EEFSEC: variants seen among roughly 807,000 people sequenced by gnomAD.
EEFSEC encodes eukaryotic elongation factor, selenocysteine-tRNA specific, also known as selenocysteine-specific elongation factor.
In EEFSEC, 43 loss-of-function variants were observed where a neutral mutation model predicts 42.1. That is an observed-to-expected ratio of 1.02 (90% CI 0.80 to 1.32). The LOEUF is 1.32. Ranked by LOEUF, EEFSEC falls within the 40% of genes most tolerant of loss-of-function variation. The probability of loss-of-function intolerance (pLI) is 0.00; values close to 1 mark genes in which losing one functional copy is unlikely to be tolerated. For synonymous variants in EEFSEC, 354 were observed against 339.1 expected, an observed-to-expected ratio of 1.04 and a Z score of -0.48; for missense variants, 745 against 803.6, an observed-to-expected ratio of 0.93 and a Z score of 0.88.
intron 4 of EEFSEC, among the ~76,000 whole-genome samples, chr3:128,334,779 G>T (rs2067171819): frequency 6.6e-6 from 1 of 152,248 alleles, no homozygotes; most frequent in South Asian, 2.1e-4. Flanking sequence ...TGGGAAGGAT[G>T]TGAGGGAGAG....
At chr3:128,421,796 C>T in the EEFSEC span, among the ~76,000 whole-genome samples, 1 of 152,162 alleles carries the variant, frequency 6.6e-6, no homozygotes, top group Non-Finnish European at 1.5e-5. Flanking sequence ...CCTGTGGGCA[C>T]CAGGAAGCCC....
intron 1 of EEFSEC, among the ~76,000 whole-genome samples, chr3:128,187,694 C>T (rs2065479034): frequency 6.6e-6 from 1 of 152,144 alleles, no homozygotes; most frequent in Admixed American, 6.5e-5. Context: ...AGGGGATAGA[C>T]CATAAAGCAG....
intron 5 of EEFSEC, among the ~76,000 whole-genome samples, chr3:128,346,704 TA>T (rs1269966956): frequency 6.6e-6 from 1 of 152,200 alleles, no homozygotes; most frequent in Non-Finnish European, 1.5e-5. Context: ...CCACCATCTG[TA>T]GTTTACTGAG....
chr3:128,425,480 T>C, the EEFSEC span, among the ~76,000 whole-genome samples: 5 of 152,258 alleles, frequency 3.3e-5, no homozygotes, highest in African/African-American at 1.2e-4. Context: ...TGGGGTTTTG[T>C]GTGAGCATCG....
intron 4 of EEFSEC, among the ~76,000 whole-genome samples, chr3:128,313,586 G>T (rs2066913131): frequency 6.6e-6 from 1 of 152,208 alleles, no homozygotes; most frequent in Non-Finnish European, 1.5e-5. Context: ...TCCACTTTGG[G>T]AACCTGACTT....
At chr3:128,407,844 C>T (rs1264752980) in intron 6 of EEFSEC, among the ~76,000 whole-genome samples, 1 of 152,140 alleles carries the variant, frequency 6.6e-6, no homozygotes, top group East Asian at 1.9e-4. Context: ...AGGGCCTGAG[C>T]ACGGGGGTGG....
rs563913852 is a variant in EEFSEC, at chr3:128,277,532, T to G, written c.786+12751T>G. On this transcript the variant is annotated intron_variant, in intron 4 of 6. Transcript: ENST00000254730. ...GATGATTCTAGATGAGGGTGATTGA[T>G]TCACAGAGTGAGCCAGCCAGAGCTG... Among the ~76,000 whole-genome samples the G allele has an allele frequency of 2.1e-4, 32 of 152,354 alleles. 1 individual carries two copies. Among genetic ancestry groups the G allele is most frequent in the African/African-American group, 7.5e-4 (31 of 41,578 alleles).
intron 1 of EEFSEC, among the ~76,000 whole-genome samples, chr3:128,236,483 G>A (rs1455042614): frequency 7.9e-5 from 12 of 152,182 alleles, no homozygotes; most frequent in Non-Finnish European, 4.4e-5. Context: ...TAGGCAGGCC[G>A]AACACTCAAC....
Position 128,267,990 on chromosome 3 carries a change from G to A in EEFSEC, c.786+3209G>A, listed in dbSNP as rs186865599. 1.4e-3 allele frequency among the ~76,000 whole-genome samples: 219 copies of A among 152,322 alleles called. 1 individual carries two copies. The highest frequency in any genetic ancestry group is 2.6e-3 in the Admixed American group (40 of 15,302). On this transcript the variant is annotated intron_variant, in intron 4 of 6. Transcript: ENST00000254730. ...CTGGGATTCTACAGACAAGAAACAG[G>A]CTGATAGAACAACTCAGCTACAAAC...
At chr3:128,257,956 C>G (rs986630339) in intron 2 of EEFSEC, among the ~76,000 whole-genome samples, 16 of 152,090 alleles carry the variant, frequency 1.1e-4, no homozygotes, top group African/African-American at 3.9e-4. Flanking sequence ...TTCTACTCTA[C>G]CTTTTATTTG....
At chr3:128,418,096 C>T in the EEFSEC span, among the ~76,000 whole-genome samples, 2 of 152,058 alleles carry the variant, frequency 1.3e-5, no homozygotes, top group Admixed American at 6.5e-5. Context: ...ACCTCCCAAA[C>T]CCACCACGTG....
intron 6 of EEFSEC, among the ~76,000 whole-genome samples, chr3:128,404,294 C>T (rs1191523101): frequency 1.3e-5 from 2 of 152,360 alleles, no homozygotes; most frequent in African/African-American, 2.4e-5. Flanking sequence ...CAGAGGTAAA[C>T]GAGCCTGACC....
chr3:128,230,652 T>C (rs901512265), intron 1 of EEFSEC, among the ~76,000 whole-genome samples: 1 of 152,236 alleles, frequency 6.6e-6, no homozygotes, highest in East Asian at 1.9e-4. Context: ...AGCCTCACAC[T>C]GCTCTGTTTA....
At chr3:128,374,000 C>T (rs1576681253) in intron 6 of EEFSEC, among the ~76,000 whole-genome samples, 1 of 152,192 alleles carries the variant, frequency 6.6e-6, no homozygotes, top group Non-Finnish European at 1.5e-5. Context: ...GAGTTGAAGG[C>T]CCACCTCCTT....
chr3:128,426,210 A>G, the EEFSEC span, among the ~76,000 whole-genome samples: 1 of 152,218 alleles, frequency 6.6e-6, no homozygotes, highest in Non-Finnish European at 1.5e-5. Flanking sequence ...TGCGCTGAAC[A>G]CCTGGATTCC....
chr3:128,246,867 C>A lies in EEFSEC; in HGVS notation c.348C>A (p.Val116=). 1 of 1,614,092 alleles carries A rather than the reference C, an allele frequency of 6.2e-7. No homozygotes were observed. Among genetic ancestry groups the A allele is most frequent in the South Asian group, 1.1e-5 (1 of 91,044 alleles). ...GAQIIDLMML[V]IDVTKGMQTQ... is the part of the protein sequence containing the mutation. ...AGATCATTGATCTGATGATGCTGGTCATCGATGTGACCAAGGGGATGCAGA... is the reference window on the plus strand; with the variant it reads ...AGATCATTGATCTGATGATGCTGGTAATCGATGTGACCAAGGGGATGCAGA... Residue 116 remains valine, a synonymous_variant, in exon 2 of 7, where the codon GTC becomes GTA. Transcript: ENST00000254730.
intron 1 of EEFSEC, among the ~76,000 whole-genome samples, chr3:128,167,451 T>G (rs2065252198): frequency 6.6e-6 from 1 of 152,272 alleles, no homozygotes; most frequent in South Asian, 2.1e-4. Context: ...TATGGTGCTT[T>G]AAACAACTGG....
intron 1 of EEFSEC, among the ~76,000 whole-genome samples, chr3:128,159,189 A>G (rs1019649810): frequency 5.3e-5 from 8 of 152,250 alleles, no homozygotes; most frequent in Admixed American, 2.0e-4. Flanking sequence ...CATCTATGCA[A>G]TACCACCCTG....
At chr3:128,316,632 G>C (rs2066948567) in intron 4 of EEFSEC, among the ~76,000 whole-genome samples, 1 of 152,196 alleles carries the variant, frequency 6.6e-6, no homozygotes, top group South Asian at 2.1e-4. Flanking sequence ...CTGAAGATCT[G>C]GCGACCAAGG....
Sources: gnomAD v4.1 joint callset for allele counts (sites outside exome capture counted in the v4.1 genomes callset) on GRCh38, gnomAD v4.1.1 for gene constraint, MANE v1.5 for transcripts, NCBI Gene and HGNC (gene_info 2026-07-23, HGNC 2026-07-21) for gene names.